KHDRBS2: variants seen among roughly 807,000 people sequenced by gnomAD.
KHDRBS2 encodes the protein KH domain-containing, RNA-binding, signal transduction-associated protein 2.
A neutral mutation model predicts 44.3 loss-of-function variants in KHDRBS2; 26 were observed. The ratio of observed to expected loss-of-function variants is 0.59; its 90% confidence interval spans 0.43 to 0.81. The LOEUF (loss-of-function observed/expected upper bound fraction) is 0.81, where lower values mean the gene tolerates loss of function less well. Ranked by LOEUF, KHDRBS2 falls within the 40% of genes least tolerant of loss-of-function variation. KHDRBS2 has a pLI of 0.00. For missense variants in KHDRBS2, 476 were observed against 433.1 expected (o/e 1.10, Z -0.88); for synonymous variants, 194 against 151.1 (o/e 1.28, Z -2.08).
chr6:61,575,320 T>A, the KHDRBS2 span, among the ~76,000 whole-genome samples: 1 of 151,940 alleles, frequency 6.6e-6, no homozygotes, highest in African/African-American at 2.4e-5. Context: ...AATAGACAAT[T>A]CTCAAAAGAA....
intron 3 of KHDRBS2, among the ~76,000 whole-genome samples, chr6:61,992,619 G>A (rs1030171373): frequency 3.9e-5 from 6 of 152,040 alleles, no homozygotes; most frequent in East Asian, 3.9e-4. Flanking sequence ...GTTTGTGCGC[G>A]CGTGCGCACG....
At chr6:62,161,585 G>GC (rs1269393369) in intron 2 of KHDRBS2, among the ~76,000 whole-genome samples, 3 of 112,408 alleles carry the variant, frequency 2.7e-5, no homozygotes, top group Non-Finnish European at 5.4e-5. Context: ...GGGGGGGGGG[G>GC]GGTCCCAGAA....
chr6:61,844,671 C>G (rs1286787285), intron 6 of KHDRBS2, among the ~76,000 whole-genome samples: 1 of 152,100 alleles, frequency 6.6e-6, no homozygotes, highest in Non-Finnish European at 1.5e-5. Flanking sequence ...AGTAGAAATT[C>G]AATCAATCAA....
chr6:61,761,771 C>A (rs777573562), intron 6 of KHDRBS2, among the ~76,000 whole-genome samples: 1 of 152,122 alleles, frequency 6.6e-6, no homozygotes, highest in Non-Finnish European at 1.5e-5. Flanking sequence ...GATACTAATA[C>A]AAACATTGTA....
At chr6:62,072,354 C>T (rs1267797477) in intron 2 of KHDRBS2, among the ~76,000 whole-genome samples, 3 of 152,162 alleles carry the variant, frequency 2.0e-5, no homozygotes, top group African/African-American at 4.8e-5. Flanking sequence ...TGCCTGATTG[C>T]CCTGGCCAGA....
intron 6 of KHDRBS2, among the ~76,000 whole-genome samples, chr6:61,806,810 T>C (rs7776146): frequency 0.34 from 50,942 of 151,860 alleles, 8,983 homozygotes; most frequent in African/African-American, 0.45. Flanking sequence ...TTTTTCAATT[T>C]TTAATTTTTA....
chr6:61,655,869 G>A, the KHDRBS2 span, among the ~76,000 whole-genome samples: 1 of 152,030 alleles, frequency 6.6e-6, no homozygotes, highest in Admixed American at 6.6e-5. Context: ...GAGATGTGGA[G>A]TTTGTTTGAA....
chr6:62,263,403 A>G (rs1039962872), intron 1 of KHDRBS2, among the ~76,000 whole-genome samples: 3 of 151,620 alleles, frequency 2.0e-5, no homozygotes, highest in Admixed American at 2.0e-4. Context: ...TTTTTTGAAA[A>G]TATTTTTAAA....
At chr6:61,857,618 C>T (rs924807151) in intron 6 of KHDRBS2, among the ~76,000 whole-genome samples, 1 of 151,684 alleles carries the variant, frequency 6.6e-6, no homozygotes, top group African/African-American at 2.4e-5. Context: ...TAAGAAAAAG[C>T]CATGTTAGCA....
Position 61,832,729 on chromosome 6 carries a change from T to C in KHDRBS2, c.810+61906A>G, listed in dbSNP as rs545770903. Reference sequence around the variant, plus strand: ...ACAGTCCAAATGGAGAAAGATACAATGATTGAAGCCCAGTCATGATCTGGC... The same window carrying C: ...ACAGTCCAAATGGAGAAAGATACAACGATTGAAGCCCAGTCATGATCTGGC... On this transcript the variant is annotated intron_variant, in intron 6 of 8. Transcript: ENST00000281156. Among the ~76,000 whole-genome samples, 319 of 152,250 alleles carry C rather than the reference T, an allele frequency of 2.1e-3. 1 individual carries two copies. Among genetic ancestry groups the C allele is most frequent in the Non-Finnish European group, 2.0e-3 (134 of 68,014 alleles).
chr6:62,183,882 T>G (rs1275707365), intron 1 of KHDRBS2, among the ~76,000 whole-genome samples: 2 of 151,746 alleles, frequency 1.3e-5, no homozygotes, highest in Non-Finnish European at 3.0e-5. Flanking sequence ...TGGAAGGAAC[T>G]TTAACTATTT....
chr6:61,821,415 T>C lies in KHDRBS2; in HGVS notation c.810+73220A>G, dbSNP rs182373181. On this transcript the variant is annotated intron_variant, in intron 6 of 8. Transcript: ENST00000281156. ...CTCTGTAGAACTTGTGTAATTGCAC[T>C]GCATCATTAGTGGACACAGGATATG... is the stretch of plus-strand genomic sequence containing the variant. 1.5e-3 allele frequency among the ~76,000 whole-genome samples: 221 copies of C among 152,168 alleles called. 1 individual carries two copies. Among genetic ancestry groups the C allele is most frequent in the African/African-American group, 5.0e-3 (207 of 41,548 alleles).
intron 2 of KHDRBS2, among the ~76,000 whole-genome samples, chr6:62,108,196 C>G (rs1423539008): frequency 1.3e-5 from 2 of 152,134 alleles, no homozygotes; most frequent in East Asian, 3.8e-4. Context: ...ACCTACTCAT[C>G]TGACAAAGGG....
chr6:61,919,420 G>A (rs1807628350), intron 4 of KHDRBS2, among the ~76,000 whole-genome samples: 2 of 151,940 alleles, frequency 1.3e-5, no homozygotes, highest in Admixed American at 1.3e-4. Flanking sequence ...ATAGTCATTT[G>A]TAGGCACATT....
intron 1 of KHDRBS2, among the ~76,000 whole-genome samples, chr6:62,188,925 C>G (rs1221111001): frequency 6.6e-6 from 1 of 152,090 alleles, no homozygotes; most frequent in South Asian, 2.1e-4. Context: ...ACCTGCCTGA[C>G]CAACATGGTG....
the KHDRBS2 span, among the ~76,000 whole-genome samples, chr6:61,543,583 C>T: frequency 0.014 from 2,057 of 151,996 alleles, 49 homozygotes; most frequent in African/African-American, 0.048. Flanking sequence ...TGATCTTATC[C>T]ACCAATCCCA....
At chr6:61,687,136 G>A (rs1228013872) in intron 8 of KHDRBS2, among the ~76,000 whole-genome samples, 2 of 151,706 alleles carry the variant, frequency 1.3e-5, no homozygotes, top group Non-Finnish European at 2.9e-5. Context: ...GAGGGTAACA[G>A]AAGAGGGAGA....
chr6:61,943,724 T>C (rs1444666461), intron 4 of KHDRBS2, among the ~76,000 whole-genome samples: 1 of 152,172 alleles, frequency 6.6e-6, no homozygotes, highest in Non-Finnish European at 1.5e-5. Flanking sequence ...ACTTATTGAA[T>C]GGTAGAAAAT....
At chr6:61,826,545 T>C (rs368278042) in intron 6 of KHDRBS2, among the ~76,000 whole-genome samples, 7 of 151,948 alleles carry the variant, frequency 4.6e-5, no homozygotes, top group African/African-American at 1.7e-4. Flanking sequence ...TACTTCACCA[T>C]CCCTAGTTGA....
Sources: allele counts gnomAD v4.1 joint callset (sites outside exome capture counted in the v4.1 genomes callset), GRCh38; gene constraint gnomAD v4.1.1; transcripts MANE v1.5; gene names NCBI Gene and HGNC (gene_info 2026-07-23, HGNC 2026-07-21).